PRDM16: variants seen among roughly 807,000 people sequenced by gnomAD.
PRDM16 encodes PR/SET domain 16.
Under a neutral mutation model 110.6 loss-of-function variants are expected in PRDM16, and 23 were observed. That is an observed-to-expected ratio of 0.21 (90% CI 0.15 to 0.29). The LOEUF (loss-of-function observed/expected upper bound fraction) is 0.29. Ranked by LOEUF, PRDM16 falls within the 10% of genes least tolerant of loss-of-function variation. The pLI is 1.00. For missense variants in PRDM16, 1,615 were observed against 1,794.3 expected, an observed-to-expected ratio of 0.90 and a Z score of 1.81; for synonymous variants, 799 against 781.8, an observed-to-expected ratio of 1.02 and a Z score of -0.37.
At chr1:3,221,043 T>C (rs779416085) in intron 2 of PRDM16, among the ~76,000 whole-genome samples, 2 of 151,988 alleles carry the variant, frequency 1.3e-5, no homozygotes, top group Admixed American at 6.6e-5. Flanking sequence ...CAACCCAGGG[T>C]GGTCAGTGAG....
chr1:3,424,513 G>T (rs578214969), intron 12 of PRDM16, among the ~76,000 whole-genome samples: 43 of 152,372 alleles, frequency 2.8e-4, no homozygotes, highest in African/African-American at 9.6e-4. Context: ...GATGGAGGAA[G>T]GGGGTCTCAT....
At chr1:3,132,509 C>T (rs1482190241) in intron 1 of PRDM16, among the ~76,000 whole-genome samples, 1 of 152,154 alleles carries the variant, frequency 6.6e-6, no homozygotes, top group African/African-American at 2.4e-5. Context: ...AGTTCCTCAC[C>T]CTGAGTCCCT....
rs557720145 is a variant in PRDM16 at position 3,311,355 on chromosome 1, G to A, written c.438+67218G>A. Among the ~76,000 whole-genome samples, 23 of 152,272 alleles carry A rather than the reference G, an allele frequency of 1.5e-4. No individual in the cohort carries two copies. The South Asian group carries it at 4.6e-3, about 30-fold the overall frequency. On this transcript the variant is annotated intron_variant, in intron 3 of 16. Transcript: ENST00000270722. ...GGCCAGAGTTGGGGAGAGGTTCTTG[G>A]GTGGGATCTTATTTCTTCCCAAAGT...
At chr1:3,084,365 G>C (rs181672366) in intron 1 of PRDM16, among the ~76,000 whole-genome samples, 51 of 152,290 alleles carry the variant, frequency 3.3e-4, no homozygotes, top group African/African-American at 1.0e-3. Flanking sequence ...GAAGATTCCA[G>C]GGAACACAGT....
At chr1:3,129,715 C>G (rs1643294332) in intron 1 of PRDM16, among the ~76,000 whole-genome samples, 1 of 152,130 alleles carries the variant, frequency 6.6e-6, no homozygotes, top group African/African-American at 2.4e-5. Context: ...CTAGCACTGC[C>G]CAGACCCTGT....
intron 1 of PRDM16, among the ~76,000 whole-genome samples, chr1:3,086,791 T>G (rs1272993950): frequency 6.6e-6 from 1 of 152,192 alleles, no homozygotes; most frequent in African/African-American, 2.4e-5. Context: ...TTATTTTTTT[T>G]GTGGAGCATG....
chr1:3,285,812 G>A (rs1196044531), intron 3 of PRDM16, among the ~76,000 whole-genome samples: 1 of 152,186 alleles, frequency 6.6e-6, no homozygotes, highest in African/African-American at 2.4e-5. Flanking sequence ...TGGGGAAAGG[G>A]CACTGGCCCT....
At chr1:3,388,600 C>A (rs1398063323) in intron 4 of PRDM16, among the ~76,000 whole-genome samples, 2 of 152,194 alleles carry the variant, frequency 1.3e-5, no homozygotes, top group Non-Finnish European at 2.9e-5. Flanking sequence ...AAGAGATGAG[C>A]TCCTCTACTG....
intron 1 of PRDM16, among the ~76,000 whole-genome samples, chr1:3,181,208 T>G (rs1375535065): frequency 7.7e-6 from 1 of 129,668 alleles, no homozygotes; most frequent in Non-Finnish European, 1.6e-5. Flanking sequence ...TTACACACGG[T>G]CTTACACACG....
intron 1 of PRDM16, among the ~76,000 whole-genome samples, chr1:3,099,955 G>A (rs531855751): frequency 2.2e-4 from 33 of 152,186 alleles, no homozygotes; most frequent in Admixed American, 8.5e-4. Context: ...GGCAAGCAAG[G>A]GCTGCCCCCA....
At chr1:3,301,697 T>C (rs971063345) in intron 3 of PRDM16, among the ~76,000 whole-genome samples, 4 of 152,218 alleles carry the variant, frequency 2.6e-5, no homozygotes, top group African/African-American at 9.6e-5. Context: ...TTTTGCTCTG[T>C]GTCTGTTGGC....
rs1053062474 is a variant in PRDM16 at position 3,157,928 on chromosome 1, T to C, written c.38-28197T>C. ...CCTCTCTTTTGACAGAGGACAGATA[T>C]ATTACGAAAATTACAAAATAATTAC... On this transcript the variant is annotated intron_variant, in intron 1 of 16. Transcript: ENST00000270722. The surrounding 1 kb of genome is among the most constrained non-coding windows in gnomAD (Gnocchi z 4.8). Among the ~76,000 whole-genome samples the C allele has an allele frequency of 1.3e-5, 2 of 152,212 alleles. No individual in the cohort carries two copies. Among genetic ancestry groups the C allele is most frequent in the Admixed American group, 1.3e-4 (2 of 15,282 alleles).
intron 3 of PRDM16, among the ~76,000 whole-genome samples, chr1:3,334,923 G>A (rs2500265): frequency 0.23 from 34,413 of 152,224 alleles, 4,678 homozygotes; most frequent in Middle Eastern, 0.38. Context: ...TGCGCCTTCC[G>A]CGGAGGGCCA....
At chr1:3,281,981 G>T (rs558995343) in intron 3 of PRDM16, among the ~76,000 whole-genome samples, 14 of 152,152 alleles carry the variant, frequency 9.2e-5, no homozygotes, top group Admixed American at 2.0e-4. Context: ...AAGGAGTGCT[G>T]GCCTGCAGGA....
In PRDM16 at chr1:3,212,142, C is replaced by T. The variant is rs777476648; in HGVS notation, c.387+25668C>T. Among the ~76,000 whole-genome samples, 50 of 152,184 alleles carry T rather than the reference C, an allele frequency of 3.3e-4. 1 individual carries two copies. The highest frequency in any genetic ancestry group is 1.0e-3 in the Admixed American group (16 of 15,284). On this transcript the variant is annotated intron_variant, in intron 2 of 16. Coordinates refer to ENST00000270722, the MANE Select transcript of PRDM16 (RefSeq NM_022114.4). ...CCGTCAGGGCTGCGGAAGGACTGCG[C>T]GGCGCGGGCCTCCATTCACTGGGAG...
At chr1:3,280,516 G>A (rs79534072) in intron 3 of PRDM16, among the ~76,000 whole-genome samples, 9,997 of 152,236 alleles carry the variant, frequency 0.066, 532 homozygotes, top group East Asian at 0.25. Context: ...GAGGGACGGC[G>A]TACATTCCAA....
In PRDM16 at chr1:3,424,202, G is replaced by A. The variant is rs543917861; in HGVS notation, c.2940-1379G>A. Among the ~76,000 whole-genome samples the A allele has an allele frequency of 3.9e-5, 6 of 152,336 alleles. No homozygotes were observed. The South Asian group carries it at 1.2e-3, about 32-fold the overall frequency. On this transcript the variant is annotated intron_variant, in intron 12 of 16. Coordinates refer to ENST00000270722, the MANE Select transcript of PRDM16 (RefSeq NM_022114.4). The stretch of plus-strand genomic sequence containing the variant: ...GGGGTTCCTCCTTAGCTCATCCCCA[G>A]CTCCCCCTCTTCGTTTCAGGCATGA...
At chr1:3,300,165 G>A (rs1466204987) in intron 3 of PRDM16, among the ~76,000 whole-genome samples, 6 of 96,750 alleles carry the variant, frequency 6.2e-5, no homozygotes, top group South Asian at 3.8e-4. Flanking sequence ...TGATGTTTCA[G>A]ATCCCAGTCG....
chr1:3,155,572 G>A (rs1288474725), intron 1 of PRDM16, among the ~76,000 whole-genome samples: 7 of 152,254 alleles, frequency 4.6e-5, no homozygotes, highest in Non-Finnish European at 8.8e-5. Context: ...ATACAGCAGC[G>A]TTGCCGCGTC....
Sources: gnomAD v4.1 joint callset for allele counts (sites outside exome capture counted in the v4.1 genomes callset) on GRCh38, gnomAD v4.1.1 for gene constraint, Gnocchi (gnomAD v3.1) non-coding constraint, MANE v1.5 for transcripts, NCBI Gene and HGNC (gene_info 2026-07-23, HGNC 2026-07-21) for gene names.